The following CDH12 variants were observed in gnomAD, a reference collection of about 807,000 sequenced individuals.
The protein encoded by CDH12 is cadherin 12.
Under a neutral mutation model 74.1 loss-of-function variants are expected in CDH12, and 41 were observed. That is an observed-to-expected ratio of 0.55 (90% CI 0.43 to 0.72). The LOEUF is 0.72. CDH12 is among the 30% of genes least tolerant of loss of function. The pLI is 0.00. For synonymous variants in CDH12, 399 were observed against 355.0 expected, an observed-to-expected ratio of 1.12 and a Z score of -1.39; for missense variants, 945 against 977.2, an observed-to-expected ratio of 0.97 and a Z score of 0.44.
chr5:22,308,058 T>A (rs1738199258), intron 3 of CDH12, among the ~76,000 whole-genome samples: 2 of 151,636 alleles, frequency 1.3e-5, no homozygotes, highest in Admixed American at 6.6e-5. Context: ...TTTTTTGTAT[T>A]TTTAGTAGAA....
At chr5:21,878,461 T>C (rs1335116291) in intron 6 of CDH12, among the ~76,000 whole-genome samples, 1 of 151,936 alleles carries the variant, frequency 6.6e-6, no homozygotes, top group Non-Finnish European at 1.5e-5. Flanking sequence ...AGTCACGGTG[T>C]TTCACACCTG....
Position 21,907,202 on chromosome 5 carries a change from C to T in CDH12, c.527-52412G>A, listed in dbSNP as rs557598491. On this transcript the variant is annotated intron_variant, in intron 6 of 14. Coordinates refer to ENST00000382254, the MANE Select transcript of CDH12 (RefSeq NM_004061.5). ...GCTGCTGCCAATTAGAACATCGTAA[C>T]GGGAAAGAGGGGTTTAAAAAATACG... 5.4e-4 allele frequency among the ~76,000 whole-genome samples: 82 copies of T among 152,192 alleles called. No homozygotes were observed. The South Asian group carries it at 0.016, about 30-fold the overall frequency.
chr5:22,562,334 A>AAAG (rs1167329913), intron 1 of CDH12, among the ~76,000 whole-genome samples: 1 of 133,778 alleles, frequency 7.5e-6, no homozygotes, highest in Non-Finnish European at 1.6e-5. Context: ...AAAACAAAAA[A>AAAG]CAAACAAACA....
chr5:22,607,550 G>A (rs1290734339), intron 1 of CDH12, among the ~76,000 whole-genome samples: 1 of 152,180 alleles, frequency 6.6e-6, no homozygotes, highest in African/African-American at 2.4e-5. Flanking sequence ...GACTAGCATG[G>A]AAACGAATGG....
chr5:22,698,743 T>TA (rs1561586195), intron 1 of CDH12, among the ~76,000 whole-genome samples: 14 of 78,630 alleles, frequency 1.8e-4, no homozygotes, highest in African/African-American at 5.3e-4. Context: ...ATAGTGTGTG[T>TA]GTGTGTGTGT....
chr5:22,303,056 A>C (rs557601023), intron 3 of CDH12, among the ~76,000 whole-genome samples: 2 of 152,154 alleles, frequency 1.3e-5, no homozygotes, highest in Admixed American at 1.3e-4. Context: ...TAGAGGCAAA[A>C]AAAATGTGGG....
At chr5:21,819,491 C>T (rs12517699) in intron 8 of CDH12, among the ~76,000 whole-genome samples, 130,391 of 151,978 alleles carry the variant, frequency 0.86, 56,356 homozygotes, top group South Asian at 0.91. Context: ...TGTTGTGTGA[C>T]TGTGATGAAG....
chr5:22,327,428 CTGTGTGTGTGTGTGTG>C (rs71609761), intron 3 of CDH12, among the ~76,000 whole-genome samples: 3 of 103,240 alleles, frequency 2.9e-5, no homozygotes, highest in African/African-American at 6.2e-5. Context: ...ATTTGTGCCT[CTGTGTGTGTGTGTGTG>C]TGTGTGTGTG....
At chr5:21,911,506 C>T (rs1232762150) in intron 6 of CDH12, among the ~76,000 whole-genome samples, 2 of 151,836 alleles carry the variant, frequency 1.3e-5, no homozygotes, top group Non-Finnish European at 2.9e-5. Flanking sequence ...GAAGAAGATA[C>T]TATACATGAA....
intron 4 of CDH12, among the ~76,000 whole-genome samples, chr5:22,098,546 T>C (rs1743939067): frequency 1.3e-5 from 2 of 152,322 alleles, no homozygotes; most frequent in Admixed American, 1.3e-4. Context: ...TATGCTCAAC[T>C]CACTCGCTAC....
chr5:22,347,316 G>C (rs72744823), intron 3 of CDH12, among the ~76,000 whole-genome samples: 10,506 of 152,218 alleles, frequency 0.069, 489 homozygotes, highest in South Asian at 0.16. Context: ...GCAAAAGAAC[G>C]TGGAAGGATC....
At chr5:22,757,827 C>G (rs1746008736) in intron 1 of CDH12, among the ~76,000 whole-genome samples, 1 of 152,084 alleles carries the variant, frequency 6.6e-6, no homozygotes, top group South Asian at 2.1e-4. Context: ...TTTTAAAATC[C>G]TTTCATGCAT....
intron 1 of CDH12, among the ~76,000 whole-genome samples, chr5:22,576,624 A>T (rs1739801388): frequency 6.6e-6 from 1 of 152,172 alleles, no homozygotes; most frequent in Admixed American, 6.5e-5. Context: ...GCCGTTAAGC[A>T]AATTCCTGAA....
At chr5:22,517,727 T>C (rs1219250892) in intron 1 of CDH12, among the ~76,000 whole-genome samples, 1 of 152,212 alleles carries the variant, frequency 6.6e-6, no homozygotes, top group African/African-American at 2.4e-5. Context: ...CGTTTATTTA[T>C]TTTTTCCTAA....
At chr5:22,299,610 T>C (rs1392093677) in intron 3 of CDH12, among the ~76,000 whole-genome samples, 1 of 152,182 alleles carries the variant, frequency 6.6e-6, no homozygotes, top group African/African-American at 2.4e-5. Flanking sequence ...AGAATCTCTT[T>C]GGTCTTAGCT....
chr5:21,824,234 G>A (rs974336947), intron 8 of CDH12, among the ~76,000 whole-genome samples: 2 of 151,840 alleles, frequency 1.3e-5, no homozygotes, highest in African/African-American at 4.8e-5. Context: ...TCCTTTCCTG[G>A]GGTGTTTTCA....
chr5:22,801,188 T>C (rs966755945), intron 1 of CDH12, among the ~76,000 whole-genome samples: 6 of 152,196 alleles, frequency 3.9e-5, no homozygotes, highest in African/African-American at 1.4e-4. Context: ...TGAGTCTTCA[T>C]ACATTAGCCA....
intron 1 of CDH12, among the ~76,000 whole-genome samples, chr5:22,624,304 G>A (rs955386136): frequency 6.6e-6 from 1 of 152,058 alleles, no homozygotes; most frequent in African/African-American, 2.4e-5. Context: ...AGCCAAAATT[G>A]ACAAATGGGA....
At chr5:22,279,226 A>C (rs1736768536) in intron 3 of CDH12, among the ~76,000 whole-genome samples, 1 of 152,172 alleles carries the variant, frequency 6.6e-6, no homozygotes, top group Non-Finnish European at 1.5e-5. Flanking sequence ...AGTTTATTGA[A>C]GGTTTTAGGA....
Sources: gnomAD v4.1 joint callset for allele counts (sites outside exome capture counted in the v4.1 genomes callset) on GRCh38, gnomAD v4.1.1 for gene constraint, MANE v1.5 for transcripts, NCBI Gene and HGNC (gene_info 2026-07-23, HGNC 2026-07-21) for gene names.